The following DLG2 variants were observed in gnomAD, a reference collection of about 807,000 sequenced individuals.
DLG2 encodes disks large homolog 2.
Under a neutral mutation model 132.5 loss-of-function variants are expected in DLG2, and 45 were observed. That is an observed-to-expected ratio of 0.34 (90% CI 0.27 to 0.44). DLG2 has a LOEUF of 0.44. Among genes scored for constraint, DLG2 ranks in the 20% least tolerant of loss-of-function variants. The pLI, the probability that DLG2 is intolerant of heterozygous loss-of-function variation, is 1.00. For synonymous variants in DLG2, 424 were observed against 419.6 expected (o/e 1.01, Z -0.13); for missense variants, 1,045 against 1,196.9 (o/e 0.87, Z 1.87).
At chr11:84,161,615 T>A (rs982807019) in intron 9 of DLG2, among the ~76,000 whole-genome samples, 2 of 152,144 alleles carry the variant, frequency 1.3e-5, no homozygotes, top group African/African-American at 4.8e-5. Context: ...CTCATACCAA[T>A]GTTAGCTTTT....
intron 6 of DLG2, among the ~76,000 whole-genome samples, chr11:84,553,994 C>A (rs1243574176): frequency 6.6e-6 from 1 of 152,178 alleles, no homozygotes; most frequent in Non-Finnish European, 1.5e-5. Context: ...CTTGGCCAGG[C>A]TGATAAAGAA....
At chr11:84,353,653 A>T (rs1173229802) in intron 7 of DLG2, among the ~76,000 whole-genome samples, 1 of 152,124 alleles carries the variant, frequency 6.6e-6, no homozygotes, top group Non-Finnish European at 1.5e-5. Context: ...CTGCTATTTA[A>T]ATATCATTTC....
intron 18 of DLG2, among the ~76,000 whole-genome samples, chr11:83,732,222 G>A (rs2091146678): frequency 6.6e-6 from 1 of 152,158 alleles, no homozygotes; most frequent in South Asian, 2.1e-4. Context: ...GAAAAAACTC[G>A]GTTGTGGGCT....
chr11:85,543,838 G>GT (rs58853802), intron 3 of DLG2, among the ~76,000 whole-genome samples: 51 of 148,804 alleles, frequency 3.4e-4, no homozygotes, highest in Admixed American at 1.9e-3. Flanking sequence ...GGGGTTGTTT[G>GT]TTTTTTTTTC....
At chr11:84,204,058 A>G (rs2096633283) in intron 8 of DLG2, among the ~76,000 whole-genome samples, 1 of 151,990 alleles carries the variant, frequency 6.6e-6, no homozygotes, top group African/African-American at 2.4e-5. Flanking sequence ...CCCAGGTTCA[A>G]GTGATTCTCC....
intron 7 of DLG2, among the ~76,000 whole-genome samples, chr11:84,502,666 G>A (rs2099224366): frequency 6.6e-6 from 1 of 151,724 alleles, no homozygotes; most frequent in Non-Finnish European, 1.5e-5. Context: ...CCAAAGTGCT[G>A]GCATTACAGG....
chr11:84,600,178 A>AAGAAAGAT (rs2099572909), intron 6 of DLG2, among the ~76,000 whole-genome samples: 1 of 132,432 alleles, frequency 7.6e-6, no homozygotes, highest in Non-Finnish European at 1.6e-5. Flanking sequence ...GAAAGAAAGA[A>AAGAAAGAT]AGAAAGAAAG....
chr11:85,284,811 T>C (rs1265578797), intron 4 of DLG2, among the ~76,000 whole-genome samples: 1 of 151,772 alleles, frequency 6.6e-6, no homozygotes, highest in East Asian at 1.9e-4. Context: ...ATTCTGCTCC[T>C]ACACTTCAAC....
At chr11:84,039,400 T>G (rs1048359933) in intron 11 of DLG2, among the ~76,000 whole-genome samples, 2 of 123,152 alleles carry the variant, frequency 1.6e-5, no homozygotes, top group African/African-American at 6.3e-5. Flanking sequence ...CCCCAGAGTG[T>G]GATATTCCCC....
At chr11:83,612,111 A>G (rs2060203687) in intron 19 of DLG2, among the ~76,000 whole-genome samples, 2 of 152,170 alleles carry the variant, frequency 1.3e-5, no homozygotes, top group Admixed American at 1.3e-4. Context: ...ACTTTTTCCA[A>G]GGCAATTTAT....
intron 10 of DLG2, among the ~76,000 whole-genome samples, chr11:84,066,690 G>A (rs1345214705): frequency 6.6e-6 from 1 of 152,060 alleles, no homozygotes; most frequent in African/African-American, 2.4e-5. Context: ...GAACCTGGGA[G>A]GCAGAGGTTG....
chr11:85,201,364 C>A (rs1378437840), intron 4 of DLG2, among the ~76,000 whole-genome samples: 1 of 152,180 alleles, frequency 6.6e-6, no homozygotes, highest in Non-Finnish European at 1.5e-5. Flanking sequence ...CAGTTGAAGA[C>A]CCATGCTGCC....
chr11:84,081,431 A>C (rs971383058), intron 10 of DLG2, among the ~76,000 whole-genome samples: 1 of 63,772 alleles, frequency 1.6e-5, no homozygotes, highest in Non-Finnish European at 5.6e-5. Context: ...TATAATTTAC[A>C]AAGAAAAAAG....
At chr11:83,999,973 A>G (rs1296582496) in intron 11 of DLG2, among the ~76,000 whole-genome samples, 1 of 151,602 alleles carries the variant, frequency 6.6e-6, no homozygotes, top group Non-Finnish European at 1.5e-5. Flanking sequence ...AAAAAACTCA[A>G]TATGATAATG....
chr11:84,106,351 T>C (rs558941253), intron 9 of DLG2, among the ~76,000 whole-genome samples: 1 of 152,286 alleles, frequency 6.6e-6, no homozygotes, highest in South Asian at 2.1e-4. Context: ...TGTTACGATA[T>C]CTAAAGATGA....
In DLG2 at chr11:85,135,165, T is replaced by C. The variant is rs547038151; in HGVS notation, c.282+19391A>G. On this transcript the variant is annotated intron_variant, in intron 5 of 27. Transcript: ENST00000376104. ...TAACATCTAATAGGTAATTGAGACT[T>C]ACTGCCATATTCATGTTCAAAATAA... 3.3e-5 allele frequency among the ~76,000 whole-genome samples: 5 copies of C among 152,354 alleles called. No individual in the cohort carries two copies. In the South Asian group the frequency reaches 1.0e-3, roughly 32 times the overall value.
At chr11:85,378,590 A>G (rs2085622026) in intron 3 of DLG2, among the ~76,000 whole-genome samples, 1 of 152,126 alleles carries the variant, frequency 6.6e-6, no homozygotes, top group Admixed American at 6.6e-5. Context: ...GTGCAAGAAG[A>G]AAAAAATGAA....
chr11:85,052,285 T>A (rs2062979697), intron 6 of DLG2, among the ~76,000 whole-genome samples: 1 of 152,162 alleles, frequency 6.6e-6, no homozygotes, highest in South Asian at 2.1e-4. Flanking sequence ...TATTTCTAAA[T>A]AAGAAAATTC....
At chr11:84,520,605 T>C (rs1350945330) in intron 7 of DLG2, among the ~76,000 whole-genome samples, 7 of 152,024 alleles carry the variant, frequency 4.6e-5, no homozygotes, top group Non-Finnish European at 1.5e-5. Context: ...CACCCAACCC[T>C]CACTGCCCAG....
Sources: gnomAD v4.1 joint callset for allele counts (sites outside exome capture counted in the v4.1 genomes callset) on GRCh38, gnomAD v4.1.1 for gene constraint, MANE v1.5 for transcripts, NCBI Gene and HGNC (gene_info 2026-07-23, HGNC 2026-07-21) for gene names.